The following ATP7B variants were observed in gnomAD, a reference collection of about 807,000 sequenced individuals.
The protein encoded by ATP7B is ATPase copper transporting beta, also known as copper-transporting ATPase 2.
A neutral mutation model predicts 118.9 loss-of-function variants in ATP7B; 113 were observed. The observed-to-expected ratio is 0.95, with a 90% confidence interval of 0.82 to 1.11. The LOEUF (loss-of-function observed/expected upper bound fraction) is 1.11. Among genes scored for constraint, ATP7B ranks in the 50% most tolerant of loss-of-function variants. The pLI is 0.00. For missense variants in ATP7B, 1,867 were observed against 1,871.4 expected (o/e 1.00, Z 0.04); for synonymous variants, 777 against 727.4 (o/e 1.07, Z -1.10).
At chr13:51,954,503 G>T (rs985518727) in intron 9 of ATP7B, among the ~76,000 whole-genome samples, 1 of 152,246 alleles carries the variant, frequency 6.6e-6, no homozygotes, top group African/African-American at 2.4e-5. Flanking sequence ...GCAGTATGAA[G>T]AGACAGCTGC....
intron 9 of ATP7B, among the ~76,000 whole-genome samples, chr13:51,956,605 G>A (rs1336893167): frequency 1.3e-5 from 2 of 152,150 alleles, no homozygotes; most frequent in Non-Finnish European, 2.9e-5. Flanking sequence ...TGTAGGCTGA[G>A]GGACAGGGAA....
intron 1 of ATP7B, among the ~76,000 whole-genome samples, chr13:51,984,458 C>T (rs147546777): frequency 2.0e-5 from 3 of 152,190 alleles, no homozygotes; most frequent in Non-Finnish European, 2.9e-5. Flanking sequence ...CTGAAAATGA[C>T]GGGGAGAATG....
chr13:51,974,380 G>T lies in ATP7B; in HGVS notation c.840C>A (p.Gly280=). 1.2e-6 allele frequency: 2 copies of T among 1,613,914 alleles called. No homozygotes were observed. Among genetic ancestry groups the T allele is most frequent in the South Asian group, 2.2e-5 (2 of 91,076 alleles). ...SCVLNIEENI[G]QLLGVQSIQV... ...GAATACTTTGAACCCCTAGGAGCTG[G>T]CCAATATTTTCTTCAATATTCAAGA... Residue 280 remains glycine, a synonymous_variant, in exon 2 of 21, where the codon GGC becomes GGA. Transcript: ENST00000242839.
At position 51,970,796 on chromosome 13, in the gene ATP7B, A is replaced by T; in HGVS notation, c.1286-47T>A. 3 of 1,591,378 alleles carry T rather than the reference A, an allele frequency of 1.9e-6. No individual in the cohort carries two copies. In the South Asian group the frequency reaches 3.3e-5, roughly 18 times the overall value. ...TATTCAAATTAGAAGAGCAAATAAT[A>T]TGTTTTTCAGAACAAGAGGTTTCAG... On this transcript the variant is annotated intron_variant, in intron 2 of 20. Coordinates refer to ENST00000242839, the MANE Select transcript of ATP7B (RefSeq NM_000053.4).
In ATP7B at chr13:51,968,614, C is replaced by G. The variant is rs1210190335; in HGVS notation, c.1544-7G>C. 1 of 1,613,874 alleles carries G rather than the reference C, an allele frequency of 6.2e-7. No individual in the cohort carries two copies. The highest frequency in any genetic ancestry group is 1.3e-5 in the African/African-American group (1 of 74,912). ...ACCAACACGGAGAGAACACCTGGAA[C>G]CATCAGGTCATGGCTGTAACACTCT... On this transcript the variant is annotated splice_polypyrimidine_tract_variant and splice_region_variant and intron_variant, in intron 3 of 20. Coordinates refer to ENST00000242839, the MANE Select transcript of ATP7B (RefSeq NM_000053.4).
chr13:51,988,407 T>C (rs369369628), intron 1 of ATP7B, among the ~76,000 whole-genome samples: 4 of 151,846 alleles, frequency 2.6e-5, no homozygotes, highest in South Asian at 2.1e-4. Flanking sequence ...CAGGAAACAA[T>C]AGATGCTGGA....
At chr13:51,993,027 T>G (rs557883929) in intron 1 of ATP7B, among the ~76,000 whole-genome samples, 1 of 148,460 alleles carries the variant, frequency 6.7e-6, no homozygotes, top group East Asian at 2.0e-4. Flanking sequence ...ACATATATAT[T>G]GACATACAGA....
chr13:51,977,403 T>C (rs1952178274), intron 1 of ATP7B, among the ~76,000 whole-genome samples: 1 of 151,980 alleles, frequency 6.6e-6, no homozygotes, highest in Non-Finnish European at 1.5e-5. Context: ...CACAAACACA[T>C]ACATTAGCCT....
intron 9 of ATP7B, among the ~76,000 whole-genome samples, chr13:51,951,533 T>C (rs1447192099): frequency 6.6e-6 from 1 of 152,080 alleles, no homozygotes; most frequent in African/African-American, 2.4e-5. Flanking sequence ...AGCTGTCACA[T>C]GTAGATAGCA....
intron 1 of ATP7B, chr13:51,975,513 G>A (rs770107269): frequency 2.6e-5 from 14 of 530,398 alleles, no homozygotes; most frequent in South Asian, 5.6e-5. Context: ...AGGGCACAGC[G>A]GCTCACGGTG....
In ATP7B at chr13:51,968,441, T is replaced by TA. The variant is rs781531824; in HGVS notation, c.1707+2dup. ...AACCCCGTAACGCACCCACAGTACT[T>TA]ACTGTCAGCTCAATGTTGCCATCGG... On this transcript the variant is annotated splice_region_variant and intron_variant, in intron 4 of 20. Transcript: ENST00000242839. 3.7e-6 allele frequency: 6 copies of TA among 1,614,204 alleles called. No homozygotes were observed. In the Middle Eastern group the frequency reaches 6.6e-4, roughly 178 times the overall value.
At chr13:51,973,524 G>A (rs370319062) in intron 2 of ATP7B, among the ~76,000 whole-genome samples, 1 of 152,204 alleles carries the variant, frequency 6.6e-6, no homozygotes, top group Non-Finnish European at 1.5e-5. Flanking sequence ...AGCCACCTAA[G>A]CAACCACGTG....
At chr13:51,989,714 G>A (rs1237273547) in intron 1 of ATP7B, among the ~76,000 whole-genome samples, 5 of 152,090 alleles carry the variant, frequency 3.3e-5, no homozygotes, top group South Asian at 2.1e-4. Context: ...TCACAATCTC[G>A]TGCTACACAG....
At chr13:51,991,601 C>T (rs1254130111) in intron 1 of ATP7B, among the ~76,000 whole-genome samples, 1 of 152,144 alleles carries the variant, frequency 6.6e-6, no homozygotes, top group African/African-American at 2.4e-5. Flanking sequence ...AAGGGTAATT[C>T]TGTATACAGC....
At chr13:51,960,408 T>G (rs1161969824) in intron 6 of ATP7B, 86 bp from the exon 7 acceptor site, 1 of 1,505,308 alleles carries the variant, frequency 6.6e-7, no homozygotes, top group Non-Finnish European at 9.1e-7. Context: ...GGACACAGTT[T>G]AAGACCTGCC....
In ATP7B at chr13:51,934,921, C is replaced by A. The variant is rs2138402027; in HGVS notation, c.4233G>T (p.Arg1411=). Reference sequence around the variant, plus strand: ...CCCATGGTGTGGCCCTGGGGGAGTCCCGCCACCTGTCATCCATGCCTATGT... The same window carrying A: ...CCCATGGTGTGGCCCTGGGGGAGTCACGCCACCTGTCATCCATGCCTATGT... ...SVHIGMDDRW[R]DSPRATPWDQ... is the part of the protein sequence containing the mutation. Residue 1411 remains arginine, a synonymous_variant, in exon 21 of 21, where the codon CGG becomes CGT. Coordinates refer to ENST00000242839, the MANE Select transcript of ATP7B (RefSeq NM_000053.4). 6.2e-7 allele frequency: 1 copy of A among 1,614,132 alleles called. No individual in the cohort carries two copies. Among genetic ancestry groups the A allele is most frequent in the Non-Finnish European group, 8.5e-7 (1 of 1,180,034 alleles).
intron 7 of ATP7B, 152 bp from the exon 8 acceptor site, chr13:51,958,696 T>C (rs1049541461): frequency 1.4e-6 from 1 of 717,670 alleles, no homozygotes; most frequent in Non-Finnish European, 2.5e-6. Context: ...TTATGAAATA[T>C]ACTTTCCCAT....
chr13:51,971,582 G>A (rs1463633225), intron 2 of ATP7B, among the ~76,000 whole-genome samples: 1 of 152,150 alleles, frequency 6.6e-6, no homozygotes, highest in Non-Finnish European at 1.5e-5. Context: ...ACAAAAACAG[G>A]CAGATGTTTA....
Position 51,943,410 on chromosome 13 carries a change from G to T in ATP7B, c.3243+699C>A, listed in dbSNP as rs145898093. On this transcript the variant is annotated intron_variant, in intron 14 of 20. Transcript: ENST00000242839. ...CTACATGAAGGACAAAACTAGAAAT[G>T]AGGTTTCTGGAAGAGCCCCTGATCA... Among the ~76,000 whole-genome samples, 24 of 152,246 alleles carry T rather than the reference G, an allele frequency of 1.6e-4. No individual in the cohort carries two copies. The East Asian group carries it at 2.7e-3, about 17-fold the overall frequency.
Sources: gnomAD v4.1 joint callset for allele counts (sites outside exome capture counted in the v4.1 genomes callset) on GRCh38, gnomAD v4.1.1 for gene constraint, MANE v1.5 for transcripts, NCBI Gene and HGNC (gene_info 2026-07-23, HGNC 2026-07-21) for gene names.